GPR89A: variants seen among roughly 807,000 people sequenced by gnomAD.
GPR89A encodes the protein G protein-coupled receptor 89A.
Under a neutral mutation model 52.0 loss-of-function variants are expected in GPR89A, and 16 were observed. That is an observed-to-expected ratio of 0.31 (90% CI 0.21 to 0.47). The LOEUF (loss-of-function observed/expected upper bound fraction) is 0.47, where lower values mean the gene tolerates loss of function less well. Ranked by LOEUF, GPR89A falls within the 20% of genes least tolerant of loss-of-function variation. The pLI is 1.00. For missense variants in GPR89A, 135 were observed against 449.4 expected, an observed-to-expected ratio of 0.30 and a Z score of 6.33; for synonymous variants, 55 against 150.9, an observed-to-expected ratio of 0.36 and a Z score of 4.66.
chr1:145,659,111 A>T (rs1220106126), intron 10 of GPR89A, among the ~76,000 whole-genome samples: 2 of 151,630 alleles, frequency 1.3e-5, no homozygotes, highest in Non-Finnish European at 2.9e-5. Context: ...ATATGTTTTA[A>T]TTTCTCTTAT....
rs782162231 is a variant in GPR89A at position 145,608,087 on chromosome 1, C to T, written c.-47C>T. 1.6e-5 allele frequency: 26 copies of T among 1,611,744 alleles called. No homozygotes were observed. The highest frequency in any genetic ancestry group is 1.6e-4 in the Middle Eastern group (1 of 6,076). The stretch of plus-strand genomic sequence containing the variant: ...GGCCTGTGGCCCCAGCGTGCTGTGG[C>T]CTCGGGGAGTGGGAAGTGGAGGCAG... On this transcript the variant is annotated 5_prime_UTR_variant, in exon 1 of 14. Transcript: ENST00000313835.
intron 12 of GPR89A, among the ~76,000 whole-genome samples, chr1:145,666,674 G>A (rs1652571622): frequency 6.6e-6 from 1 of 150,762 alleles, no homozygotes; most frequent in Non-Finnish European, 1.5e-5. Flanking sequence ...ATTTACATTA[G>A]GTATATCTCC....
Position 145,670,448 on chromosome 1 carries a change from A to C in GPR89A, c.*408A>C. On this transcript the variant is annotated 3_prime_UTR_variant, in exon 14 of 14. Transcript: ENST00000313835. ...CTTTGCCTTGAGATTGACTCATTAA[A>C]ATCAGAGACTGTAACACTTTTGCCT... 3.2e-6 allele frequency: 1 copy of C among 315,498 alleles called. No individual in the cohort carries two copies. Among genetic ancestry groups the C allele is most frequent in the South Asian group, 3.2e-5 (1 of 31,722 alleles). The allele number at this position is 315,498 out of a possible 1,614,324, so 19.5% of individuals were successfully genotyped here.
chr1:145,667,465 A>G (rs1363285932), intron 12 of GPR89A, among the ~76,000 whole-genome samples: 3 of 151,904 alleles, frequency 2.0e-5, no homozygotes, highest in African/African-American at 7.3e-5. Context: ...TAAATTCTGG[A>G]TATTAGCCCT....
chr1:145,669,733 T>C (rs782064639), intron 13 of GPR89A, 43 bp downstream of exon 13: 51 of 1,611,128 alleles, frequency 3.2e-5, no homozygotes, highest in Non-Finnish European at 4.2e-5. Flanking sequence ...CTGTAAAATA[T>C]CAGAAATGTG....
At chr1:145,659,495 C>G (rs1380497345) in intron 10 of GPR89A, among the ~76,000 whole-genome samples, 1 of 151,368 alleles carries the variant, frequency 6.6e-6, no homozygotes, top group Non-Finnish European at 1.5e-5. Context: ...TATGTTTAAC[C>G]TTTTAAAGAA....
At chr1:145,664,386 GCC>G (rs1652413897) in intron 11 of GPR89A, among the ~76,000 whole-genome samples, 1 of 152,138 alleles carries the variant, frequency 6.6e-6, no homozygotes, top group Non-Finnish European at 1.5e-5. Context: ...CACTACTGTG[GCC>G]CACATCTGTA....
intron 7 of GPR89A, among the ~76,000 whole-genome samples, chr1:145,634,945 A>C (rs1228661575): frequency 2.0e-5 from 3 of 152,154 alleles, no homozygotes; most frequent in Admixed American, 1.3e-4. Flanking sequence ...TCTTACCTTC[A>C]TGAAGCTTAT....
At chr1:145,609,588 C>T (rs1553685760) in intron 1 of GPR89A, among the ~76,000 whole-genome samples, 1 of 152,160 alleles carries the variant, frequency 6.6e-6, no homozygotes. Context: ...AGAAAAATAA[C>T]AATATTTAAT....
chr1:145,611,150 C>T (rs1253216746), intron 1 of GPR89A, among the ~76,000 whole-genome samples: 4 of 147,244 alleles, frequency 2.7e-5, no homozygotes, highest in African/African-American at 1.0e-4. Context: ...TAAATGAATT[C>T]TCCAGCTACT....
intron 10 of GPR89A, among the ~76,000 whole-genome samples, chr1:145,648,874 C>G (rs1460733267): frequency 5.6e-5 from 8 of 142,658 alleles, no homozygotes; most frequent in Non-Finnish European, 9.0e-5. Flanking sequence ...ATGATCTCGG[C>G]TCACTGCAAC....
rs587610645 is a variant in GPR89A at position 145,629,759 on chromosome 1, A to T, written c.416-928A>T. 3.8e-3 allele frequency among the ~76,000 whole-genome samples: 581 copies of T among 151,806 alleles called. 1 individual carries two copies. The highest frequency in any genetic ancestry group is 6.8e-3 in the Non-Finnish European group (459 of 67,894). On this transcript the variant is annotated intron_variant, in intron 5 of 13. Coordinates refer to ENST00000313835, the MANE Select transcript of GPR89A (RefSeq NM_001097612.2). ...AGTCCAAGCTAGGTGAAGAATGGAG[A>T]AGCAGAAGACCAGAGGTTGCACTGA...
chr1:145,656,499 C>G (rs1489519176), intron 10 of GPR89A, among the ~76,000 whole-genome samples: 7 of 152,258 alleles, frequency 4.6e-5, no homozygotes, highest in African/African-American at 1.4e-4. Context: ...CCTAGTCAGT[C>G]CCAATGAGAG....
chr1:145,626,474 A>T (rs1169362762), intron 5 of GPR89A, among the ~76,000 whole-genome samples: 10 of 152,102 alleles, frequency 6.6e-5, no homozygotes, highest in African/African-American at 2.4e-4. Flanking sequence ...ATTGTACTCC[A>T]ATAGGCATTA....
chr1:145,635,500 C>T (rs1164860917), intron 7 of GPR89A, among the ~76,000 whole-genome samples: 4 of 152,048 alleles, frequency 2.6e-5, no homozygotes, highest in Non-Finnish European at 5.9e-5. Context: ...TGAAGGTAGA[C>T]ACGTGTATAA....
At chr1:145,657,221 C>T (rs1224143402) in intron 10 of GPR89A, among the ~76,000 whole-genome samples, 2 of 148,062 alleles carry the variant, frequency 1.4e-5, no homozygotes, top group South Asian at 2.1e-4. Context: ...TAGCAAGACC[C>T]CATCTCAGCA....
chr1:145,659,340 A>T (rs1179183776), intron 10 of GPR89A, among the ~76,000 whole-genome samples: 1 of 150,396 alleles, frequency 6.6e-6, no homozygotes, highest in Non-Finnish European at 1.5e-5. Context: ...GCATGCAACC[A>T]CTCCCGGCTA....
intron 5 of GPR89A, among the ~76,000 whole-genome samples, chr1:145,624,738 A>G (rs1254827628): frequency 7.6e-6 from 1 of 132,292 alleles, no homozygotes; most frequent in Non-Finnish European, 1.6e-5. Flanking sequence ...AGAAAACCTC[A>G]CTGAAGTTAT....
At chr1:145,647,703 G>C (rs1651099534) in intron 10 of GPR89A, among the ~76,000 whole-genome samples, 1 of 150,026 alleles carries the variant, frequency 6.7e-6, no homozygotes, top group African/African-American at 2.5e-5. Context: ...TACTCAGGAG[G>C]CTGAGGCAGG....
Sources: allele counts gnomAD v4.1 joint callset (sites outside exome capture counted in the v4.1 genomes callset), GRCh38; gene constraint gnomAD v4.1.1; transcripts MANE v1.5; gene names NCBI Gene and HGNC (gene_info 2026-07-23, HGNC 2026-07-21).